Variants in KANK1 observed in about 807,000 individuals in gnomAD.
The protein encoded by KANK1 is KN motif and ankyrin repeat domain-containing protein 1.
Under a neutral mutation model 106.2 loss-of-function variants are expected in KANK1, and 109 were observed. The observed-to-expected ratio is 1.03, with a 90% CI of 0.88 to 1.20. KANK1 has a LOEUF of 1.20. Ranked by LOEUF, KANK1 falls within the 50% of genes most tolerant of loss-of-function variation. KANK1 has a pLI of 0.00. For missense variants in KANK1, 2,399 were observed against 1,710.7 expected, an observed-to-expected ratio of 1.40 and a Z score of -7.10; for synonymous variants, 873 against 652.2, an observed-to-expected ratio of 1.34 and a Z score of -5.16.
Position 567,317 on chromosome 9 carries a change from T to C in KANK1, c.-84+62563T>C, listed in dbSNP as rs997199830. On this transcript the variant is annotated intron_variant, in intron 1 of 11. Coordinates refer to ENST00000382297, the MANE Select transcript of KANK1 (RefSeq NM_015158.5). ...GTTCTTTTTGCTTAGGATTGCCTTC[T>C]ATGCCTACATCTTAGCAGAATTCAG... 2.6e-5 allele frequency among the ~76,000 whole-genome samples: 4 copies of C among 152,320 alleles called. 1 individual carries two copies. The South Asian group carries it at 8.3e-4, about 32-fold the overall frequency.
intron 1 of KANK1, among the ~76,000 whole-genome samples, chr9:571,701 C>A (rs528776340): frequency 6.6e-6 from 1 of 152,110 alleles, no homozygotes; most frequent in Non-Finnish European, 1.5e-5. Context: ...TGAATGAATG[C>A]CAGAAATACA....
chr9:516,475 C>G (rs2059282233), intron 1 of KANK1, among the ~76,000 whole-genome samples: 1 of 151,612 alleles, frequency 6.6e-6, no homozygotes. Flanking sequence ...TTAGGGAATT[C>G]AGGGCTAGCT....
chr9:738,846 C>T (rs182192802), intron 8 of KANK1, among the ~76,000 whole-genome samples: 20 of 152,316 alleles, frequency 1.3e-4, no homozygotes, highest in African/African-American at 3.6e-4. Context: ...CCGGTTTGCA[C>T]TCAGGAGGCA....
At chr9:679,626 G>C (rs958326886) in intron 2 of KANK1, among the ~76,000 whole-genome samples, 1 of 152,076 alleles carries the variant, frequency 6.6e-6, no homozygotes, top group Non-Finnish European at 1.5e-5. Context: ...TGTTAACCAG[G>C]CTGGGGTTGA....
intron 3 of KANK1, chr9:476,664 C>G (rs1466611205): frequency 1.3e-5 from 2 of 152,188 alleles, no homozygotes; most frequent in Non-Finnish European, 2.9e-5. Context: ...GTTGAAATAT[C>G]AAACTGTACC....
At position 711,031 on chromosome 9, in the gene KANK1, A is replaced by G; in HGVS notation, c.265A>G (p.Thr89Ala). ...TGGTCAGCAAGGTATATGGACTTCC[A>G]CTGAATCCCTCTCATCCTCCAACAG... ...TSGQQGIWTS[T>A]ESLSSSNSDD... is the part of the protein sequence containing the mutation. Residue 89 changes from threonine to alanine, a missense_variant, in exon 3 of 12, where the codon ACT becomes GCT. By Grantham distance (58) the Thr-to-Ala change is moderately conservative. Transcript: ENST00000382297. 2 of 1,614,212 alleles carry G rather than the reference A, an allele frequency of 1.2e-6. No homozygotes were observed. Among genetic ancestry groups the G allele is most frequent in the South Asian group, 1.1e-5 (1 of 91,082 alleles).
At chr9:581,700 A>G (rs1317049657) in intron 1 of KANK1, among the ~76,000 whole-genome samples, 1 of 152,174 alleles carries the variant, frequency 6.6e-6, no homozygotes, top group African/African-American at 2.4e-5. Context: ...TTTCTTTCCC[A>G]TATCACCCTC....
Position 742,259 on chromosome 9 carries a change from A to G in KANK1, c.3751A>G (p.Lys1251Glu), listed in dbSNP as rs1449118630. 1.2e-6 allele frequency: 2 copies of G among 1,614,180 alleles called. No individual in the cohort carries two copies. The highest frequency in any genetic ancestry group is 2.2e-5 in the South Asian group (2 of 91,072). The stretch of plus-strand genomic sequence containing the variant: ...CAGTCACGGACGGATAGACATGGTG[A>G]AGGGCCTTCTGGCCTGTGGGGCTGA... ...AVSHGRIDMVKGLLACGADVN... is the reference protein window; with the variant it reads ...AVSHGRIDMVEGLLACGADVN... The change falls in exon 10 of 12, where the codon AAG (lysine) becomes GAG (glutamate). Residue 1251 changes from lysine (K) to glutamate (E), a missense_variant. Physicochemically the swap from Lys to Glu is moderately conservative, Grantham distance 56. Transcript: ENST00000382297.
In KANK1 at chr9:547,146, A is replaced by G. The variant is rs544340216; in HGVS notation, c.-84+42392A>G. ...TTCAGCCTTCTCACATTGCAGCACG[A>G]GAGTCCCTTAGACATGCTGGCTGCT... On this transcript the variant is annotated intron_variant, in intron 1 of 11. Coordinates refer to ENST00000382297, the MANE Select transcript of KANK1 (RefSeq NM_015158.5). Among the ~76,000 whole-genome samples, 10 of 152,346 alleles carry G rather than the reference A, an allele frequency of 6.6e-5. No homozygotes were observed. The South Asian group carries it at 1.9e-3, about 28-fold the overall frequency.
At chr9:603,116 A>C (rs1373279389) in intron 1 of KANK1, among the ~76,000 whole-genome samples, 3 of 151,808 alleles carry the variant, frequency 2.0e-5, no homozygotes, top group Non-Finnish European at 2.9e-5. Context: ...CTAAGAGTAG[A>C]TTTATATCAG....
chr9:665,282 T>C (rs1460902601), intron 1 of KANK1, among the ~76,000 whole-genome samples: 1 of 152,206 alleles, frequency 6.6e-6, no homozygotes, highest in Non-Finnish European at 1.5e-5. Context: ...TTTTCTTTTA[T>C]TAGTTTTATA....
chr9:524,982 C>CTTTTTTTTTTTT lies in KANK1; in HGVS notation c.-84+20239_-84+20250dup, dbSNP rs35377139. On this transcript the variant is annotated intron_variant, in intron 1 of 11. Transcript: ENST00000382297. Reference sequence around the variant, plus strand: ...TTAGTCAATCCCAAACTCTTGCTGCCTTTTTTTTTTTTTTTTTTTTTTGAG... The same window carrying CTTTTTTTTTTTT: ...TTAGTCAATCCCAAACTCTTGCTGCCTTTTTTTTTTTTTTTTTTTTTTTTTTTTTTTTTTGAG... 1.4e-4 allele frequency among the ~76,000 whole-genome samples: 13 copies of CTTTTTTTTTTTT among 91,958 alleles called. 1 individual carries two copies. The highest frequency in any genetic ancestry group is 4.7e-4 in the African/African-American group (10 of 21,334). 60.3% of individuals were successfully genotyped at this position (91,958 alleles called of 152,430 possible).
chr9:719,671 G>A (rs1417901932), intron 3 of KANK1, among the ~76,000 whole-genome samples: 3 of 152,080 alleles, frequency 2.0e-5, no homozygotes, highest in Non-Finnish European at 4.4e-5. Context: ...TACCCATTCT[G>A]GACAGATAAA....
At chr9:639,491 A>G (rs570752489) in intron 1 of KANK1, among the ~76,000 whole-genome samples, 1 of 151,970 alleles carries the variant, frequency 6.6e-6, no homozygotes, top group African/African-American at 2.4e-5. Flanking sequence ...TAGTTTTTGT[A>G]TTCTTAGTAG....
chr9:555,776 T>A (rs1163445541), intron 1 of KANK1, among the ~76,000 whole-genome samples: 2 of 152,198 alleles, frequency 1.3e-5, no homozygotes, highest in Non-Finnish European at 2.9e-5. Context: ...TACATACGTG[T>A]TTTTAGAAAT....
At chr9:693,294 A>G (rs997675188) in intron 2 of KANK1, 1 of 728,092 alleles carries the variant, frequency 1.4e-6, no homozygotes, top group African/African-American at 1.9e-5. Context: ...TTCCTTCACA[A>G]GCCAGCTGCT....
At chr9:524,065 TG>T (rs2133295085) in intron 1 of KANK1, among the ~76,000 whole-genome samples, 1 of 151,870 alleles carries the variant, frequency 6.6e-6, no homozygotes, top group South Asian at 2.1e-4. Context: ...GAACCCATTA[TG>T]TGAGGAAATA....
intron 1 of KANK1, among the ~76,000 whole-genome samples, chr9:533,181 A>G (rs2060144292): frequency 2.0e-5 from 3 of 152,230 alleles, no homozygotes; most frequent in Admixed American, 1.3e-4. Context: ...GATAATCATT[A>G]ATTTTTTCAG....
intron 1 of KANK1, among the ~76,000 whole-genome samples, chr9:657,910 T>G (rs185417886): frequency 7.4e-4 from 113 of 152,000 alleles, no homozygotes; most frequent in African/African-American, 2.7e-3. Context: ...TGGTATAGGC[T>G]CTCCCTAAAT....
Sources: allele counts gnomAD v4.1 joint callset (sites outside exome capture counted in the v4.1 genomes callset), GRCh38; gene constraint gnomAD v4.1.1; transcripts MANE v1.5; gene names NCBI Gene and HGNC (gene_info 2026-07-23, HGNC 2026-07-21).